The following IL1RAP variants were observed in gnomAD, a reference collection of about 807,000 sequenced individuals.
IL1RAP encodes the protein interleukin 1 receptor accessory protein.
A neutral mutation model predicts 60.7 loss-of-function variants in IL1RAP; 35 were observed. That is an observed-to-expected ratio of 0.58 (90% CI 0.44 to 0.76). IL1RAP has a LOEUF of 0.76. Ranked by LOEUF, IL1RAP falls within the 30% of genes least tolerant of loss-of-function variation. The probability of loss-of-function intolerance (pLI) is 0.00; values close to 1 mark genes in which losing one functional copy is unlikely to be tolerated. For synonymous variants in IL1RAP, 268 were observed against 250.9 expected (o/e 1.07, Z -0.64); for missense variants, 572 against 693.9 (o/e 0.82, Z 1.97).
chr3:190,641,837 A>AC (rs1458306992), intron 9 of IL1RAP, among the ~76,000 whole-genome samples: 1 of 152,242 alleles, frequency 6.6e-6, no homozygotes, highest in East Asian at 1.9e-4. Flanking sequence ...ACTCAGAAAT[A>AC]CCAAGGACAC....
chr3:190,599,327 C>G (rs148950021), intron 3 of IL1RAP, among the ~76,000 whole-genome samples: 1 of 152,102 alleles, frequency 6.6e-6, no homozygotes, highest in Non-Finnish European at 1.5e-5. Flanking sequence ...GGAGTCTTTA[C>G]GTGTCTGCAT....
At chr3:190,625,688 C>G (rs1477053178) in intron 7 of IL1RAP, among the ~76,000 whole-genome samples, 1 of 151,826 alleles carries the variant, frequency 6.6e-6, no homozygotes, top group African/African-American at 2.4e-5. Flanking sequence ...AGATGGAGAA[C>G]AATGCCAAAA....
intron 5 of IL1RAP, among the ~76,000 whole-genome samples, chr3:190,617,096 C>T (rs1731346311): frequency 6.6e-6 from 1 of 152,166 alleles, no homozygotes; most frequent in South Asian, 2.1e-4. Flanking sequence ...ATATTCTTAT[C>T]ATTTAAGAAC....
intron 1 of IL1RAP, among the ~76,000 whole-genome samples, chr3:190,547,569 T>A (rs1338323266): frequency 6.6e-6 from 1 of 152,202 alleles, no homozygotes; most frequent in Non-Finnish European, 1.5e-5. Flanking sequence ...TGGAATATTA[T>A]CTTTGTGTTT....
At chr3:190,517,634 A>G (rs1721644920) in intron 1 of IL1RAP, among the ~76,000 whole-genome samples, 1 of 152,198 alleles carries the variant, frequency 6.6e-6, no homozygotes, top group Admixed American at 6.5e-5. Context: ...TCTTTGTAGC[A>G]AGCACACAGG....
At chr3:190,524,134 T>C (rs1324873991) in intron 1 of IL1RAP, among the ~76,000 whole-genome samples, 2 of 152,220 alleles carry the variant, frequency 1.3e-5, no homozygotes, top group Non-Finnish European at 2.9e-5. Context: ...TTTATTCATA[T>C]GCTTGCTGGT....
At chr3:190,574,302 A>G (rs1488699590) in intron 3 of IL1RAP, among the ~76,000 whole-genome samples, 1 of 152,188 alleles carries the variant, frequency 6.6e-6, no homozygotes, top group Non-Finnish European at 1.5e-5. Context: ...TTTAGATAAT[A>G]TACATCTTTC....
At chr3:190,537,498 A>G (rs1206149853) in intron 1 of IL1RAP, among the ~76,000 whole-genome samples, 1 of 152,194 alleles carries the variant, frequency 6.6e-6, no homozygotes, top group Non-Finnish European at 1.5e-5. Flanking sequence ...CCACTAAGCC[A>G]CTGCTTAATT....
intron 1 of IL1RAP, 181 bp from the exon 2 acceptor site, chr3:190,555,949 T>TATCTA (rs1367207683): frequency 6.6e-6 from 1 of 151,966 alleles, no homozygotes; most frequent in Non-Finnish European, 1.5e-5. Flanking sequence ...TCTATCTATC[T>TATCTA]ATCTATCTAT....
At chr3:190,606,840 G>C (rs936106559) in intron 4 of IL1RAP, among the ~76,000 whole-genome samples, 1 of 151,988 alleles carries the variant, frequency 6.6e-6, no homozygotes, top group Non-Finnish European at 1.5e-5. Flanking sequence ...TGTCTTTAAG[G>C]CCATAAAGTT....
At chr3:190,567,354 A>G (rs575899699) in intron 3 of IL1RAP, among the ~76,000 whole-genome samples, 1 of 152,226 alleles carries the variant, frequency 6.6e-6, no homozygotes, top group Non-Finnish European at 1.5e-5. Flanking sequence ...TGTGCTAGTT[A>G]TAGTAATAAT....
At chr3:190,519,332 G>T (rs563905407) in intron 1 of IL1RAP, among the ~76,000 whole-genome samples, 2 of 152,126 alleles carry the variant, frequency 1.3e-5, no homozygotes, top group Non-Finnish European at 2.9e-5. Context: ...ATGAGCAAGA[G>T]AAATCAGCAT....
intron 1 of IL1RAP, among the ~76,000 whole-genome samples, chr3:190,550,932 T>A (rs1179891045): frequency 1.3e-5 from 2 of 152,196 alleles, no homozygotes; most frequent in African/African-American, 4.8e-5. Context: ...TTGGCCTGAT[T>A]ATTTGCATAA....
intron 6 of IL1RAP, among the ~76,000 whole-genome samples, chr3:190,621,371 C>T (rs1731764055): frequency 1.3e-5 from 2 of 152,120 alleles, no homozygotes; most frequent in African/African-American, 4.8e-5. Flanking sequence ...GTCGTAATCA[C>T]TTCTGTTCTT....
intron 1 of IL1RAP, among the ~76,000 whole-genome samples, chr3:190,530,323 G>A (rs1722883853): frequency 6.6e-6 from 1 of 152,026 alleles, no homozygotes; most frequent in Non-Finnish European, 1.5e-5. Context: ...AGTAAGGGAG[G>A]GGCATTATCA....
At chr3:190,534,318 A>T (rs1723245257) in intron 1 of IL1RAP, among the ~76,000 whole-genome samples, 1 of 151,918 alleles carries the variant, frequency 6.6e-6, no homozygotes, top group African/African-American at 2.4e-5. Flanking sequence ...TGCTTTGCTC[A>T]AATCTATCAT....
At chr3:190,514,359 G>A (rs1031018214) in intron 1 of IL1RAP, 140 bp downstream of exon 1, 1 of 152,466 alleles carries the variant, frequency 6.6e-6, no homozygotes, top group African/African-American at 2.4e-5. Flanking sequence ...GCAGCGGCTG[G>A]GATAGGTCAT....
intron 5 of IL1RAP, among the ~76,000 whole-genome samples, chr3:190,619,190 T>C (rs1425093838): frequency 2.0e-5 from 3 of 152,198 alleles, no homozygotes; most frequent in Admixed American, 6.5e-5. Context: ...ACAGATAGTG[T>C]ATTGATTTTT....
At chr3:190,536,762 T>A (rs750938653) in intron 1 of IL1RAP, among the ~76,000 whole-genome samples, 14 of 152,124 alleles carry the variant, frequency 9.2e-5, no homozygotes, top group Non-Finnish European at 1.9e-4. Flanking sequence ...TAATAAAGTA[T>A]AATTTAAAAA....
Sources: gnomAD v4.1 joint callset for allele counts (sites outside exome capture counted in the v4.1 genomes callset) on GRCh38, gnomAD v4.1.1 for gene constraint, MANE v1.5 for transcripts, NCBI Gene and HGNC (gene_info 2026-07-23, HGNC 2026-07-21) for gene names.